The following FAM120C variants were observed in gnomAD, a reference collection of about 807,000 sequenced individuals.
FAM120C encodes the protein family with sequence similarity 120 member C, also known as constitutive coactivator of PPAR-gamma-like protein 2.
Under a neutral mutation model 71.2 loss-of-function variants are expected in FAM120C, and 14 were observed. The ratio of observed to expected loss-of-function variants is 0.20; its 90% CI spans 0.13 to 0.31. The LOEUF is 0.31. FAM120C is among the 10% of genes least tolerant of loss of function. The pLI, the probability that FAM120C is intolerant of heterozygous loss-of-function variation, is 1.00. For synonymous variants in FAM120C, 354 were observed against 353.2 expected, an observed-to-expected ratio of 1.00 and a Z score of -0.03; for missense variants, 500 against 879.0, an observed-to-expected ratio of 0.57 and a Z score of 5.45.
At chrX:54,167,276 A>G (rs1443935020) in intron 1 of FAM120C, among the ~76,000 whole-genome samples, 2 of 112,098 alleles carry the variant, frequency 1.8e-5, no homozygotes, top group East Asian at 5.6e-4. Context: ...CTCAATTTAC[A>G]CATTTATCAT....
intron 11 of FAM120C, among the ~76,000 whole-genome samples, chrX:54,088,584 T>A (rs1603352450): frequency 2.6e-5 from 1 of 38,728 alleles, no homozygotes. Context: ...AGAGCAAGAC[T>A]CCATCTCAAA....
chrX:54,134,902 T>G lies in FAM120C; in HGVS notation c.1545A>C (p.Ser515=). ...QFPNYLPSKA[S]PPLGPDSSHS... is the part of the protein sequence containing the mutation. Reference sequence around the variant, plus strand: ...GGGAAGAGTCTGGTCCCAAAGGAGGTGAGGCTTTAGAAGGCAGGTAATTGG... The same window carrying G: ...GGGAAGAGTCTGGTCCCAAAGGAGGGGAGGCTTTAGAAGGCAGGTAATTGG... Residue 515 remains serine (S), a synonymous_variant, in exon 7 of 16, where the codon TCA becomes TCC. Transcript: ENST00000375180. 8.3e-7 allele frequency: 1 copy of G among 1,210,298 alleles called. No homozygotes were observed. Among genetic ancestry groups the G allele is most frequent in the African/African-American group, 1.7e-5 (1 of 57,398 alleles).
intron 9 of FAM120C, among the ~76,000 whole-genome samples, chrX:54,124,997 C>CA (rs1460935096): frequency 9.0e-6 from 1 of 110,612 alleles, no homozygotes; most frequent in Admixed American, 9.6e-5. Flanking sequence ...ATAAAAGAAA[C>CA]AAAAAACAAC....
At chrX:54,073,313 G>A in intron 15 of FAM120C, 26 bp from the exon 16 acceptor site, 9 of 1,178,602 alleles carry the variant, frequency 7.6e-6, no homozygotes, top group Non-Finnish European at 9.1e-6. Context: ...ATACTCAGTG[G>A]AAATGGGAAT....
chrX:54,137,776 T>A, intron 4 of FAM120C, among the ~76,000 whole-genome samples: 1 of 111,941 alleles, frequency 8.9e-6, no homozygotes. Context: ...CCAAAATGGC[T>A]AAAGTAAAAG....
chrX:54,082,608 C>T (rs782257086), intron 13 of FAM120C, among the ~76,000 whole-genome samples: 1 of 108,730 alleles, frequency 9.2e-6, no homozygotes, highest in Non-Finnish European at 1.9e-5. Context: ...AGGGGTTCAC[C>T]GTATTGGCCA....
At chrX:54,155,306 G>C (rs933731948) in intron 3 of FAM120C, among the ~76,000 whole-genome samples, 6 of 112,325 alleles carry the variant, frequency 5.3e-5, no homozygotes, top group Non-Finnish European at 1.1e-4. Context: ...GAAAAGACAA[G>C]GAAGCAGCAA....
In FAM120C at chrX:54,090,782, C is replaced by T. The variant is rs1470754184; in HGVS notation, c.2427+530G>A. On this transcript the variant is annotated intron_variant, in intron 11 of 15. Transcript: ENST00000375180. ...AATTGTACAAGTAAGGAAACTGAAG[C>T]TAGAGAGATTAAGTAACCTGCCCAA... Among the ~76,000 whole-genome samples, 3 of 111,473 alleles carry T rather than the reference C, an allele frequency of 2.7e-5. No individual in the cohort carries two copies. In the East Asian group the frequency reaches 8.4e-4, roughly 31 times the overall value.
At chrX:54,110,421 C>G (rs1487445594) in intron 10 of FAM120C, among the ~76,000 whole-genome samples, 1 of 110,281 alleles carries the variant, frequency 9.1e-6, no homozygotes, top group East Asian at 2.8e-4. Flanking sequence ...GAGAAGTATA[C>G]TGATGTCTGC....
intron 10 of FAM120C, among the ~76,000 whole-genome samples, chrX:54,091,964 G>T (rs1557122684): frequency 9.0e-6 from 1 of 111,071 alleles, no homozygotes; most frequent in African/African-American, 3.3e-5. Context: ...GGCTTCAGGT[G>T]GTGGAAAGTG....
chrX:54,078,143 C>T (rs1299621166), intron 15 of FAM120C, among the ~76,000 whole-genome samples: 3 of 105,042 alleles, frequency 2.9e-5, no homozygotes, highest in Non-Finnish European at 5.9e-5. Flanking sequence ...CGGGGTTTCA[C>T]CTTGTTAGCC....
At chrX:54,156,515 G>A (rs947372722) in intron 3 of FAM120C, among the ~76,000 whole-genome samples, 5 of 107,264 alleles carry the variant, frequency 4.7e-5, no homozygotes, top group African/African-American at 1.7e-4. Flanking sequence ...ATGAGCCACC[G>A]TGCCCTGGCT....
rs201960191 is a variant in FAM120C at position 54,114,039 on chromosome X, T to TACAC, written c.2312+2502_2312+2505dup. 2.3e-3 allele frequency among the ~76,000 whole-genome samples: 225 copies of TACAC among 98,779 alleles called. 2 individuals are homozygous for TACAC. The highest frequency in any genetic ancestry group is 5.1e-3 in the Middle Eastern group (1 of 195). 85.8% of individuals were successfully genotyped at this position (98,779 alleles called of 115,157 possible). A position where few individuals can be genotyped will look rare whatever the true frequency, so the allele number is the denominator to read the frequency against. On this transcript the variant is annotated intron_variant, in intron 10 of 15. Transcript: ENST00000375180. ...GAATGAATGATTAAAGAAAGTGTGA[T>TACAC]ACACACACACACACACACACACACA...
In FAM120C at chrX:54,182,966, C is replaced by T. The variant is rs782386243; in HGVS notation, c.233G>A (p.Gly78Asp). The change falls in exon 1 of 16, where the codon GGC becomes GAC. Residue 78 changes from glycine (G) to aspartate (D), a missense_variant. Physicochemically the swap from Gly to Asp is moderately conservative, Grantham distance 94 (BLOSUM62 -1). Coordinates refer to ENST00000375180, the MANE Select transcript of FAM120C (RefSeq NM_017848.6). ...GTGATGGTGCCGAGTCGGCCCCGCGCCCCCGGAGTAGGCACCCAAGGCAGC... is the reference window on the plus strand; with the variant it reads ...GTGATGGTGCCGAGTCGGCCCCGCGTCCCCGGAGTAGGCACCCAAGGCAGC... ...PPAALGAYSG[G>D]AGPTRHHHPA... The T allele has an allele frequency of 5.2e-6, 6 of 1,161,238 alleles. No homozygotes were observed. In the South Asian group the frequency reaches 9.6e-5, roughly 19 times the overall value.
At chrX:54,163,936 A>T (rs965431372) in intron 1 of FAM120C, among the ~76,000 whole-genome samples, 11 of 105,976 alleles carry the variant, frequency 1.0e-4, no homozygotes, top group African/African-American at 2.4e-4. Flanking sequence ...ATATATATAT[A>T]TATTTTTTTT....
chrX:54,125,581 C>T (rs1444521331), intron 9 of FAM120C, among the ~76,000 whole-genome samples: 1 of 113,235 alleles, frequency 8.8e-6, no homozygotes, highest in Non-Finnish European at 1.9e-5. Flanking sequence ...GCTGGGATTA[C>T]AAGCGTGAGC....
At chrX:54,129,168 C>T (rs1395779133) in intron 9 of FAM120C, among the ~76,000 whole-genome samples, 1 of 106,372 alleles carries the variant, frequency 9.4e-6, no homozygotes, top group Non-Finnish European at 2.0e-5. Context: ...GGGCTGACCC[C>T]CACCTCCCTC....
chrX:54,131,472 CTT>C, intron 9 of FAM120C, among the ~76,000 whole-genome samples: 1 of 104,201 alleles, frequency 9.6e-6, no homozygotes, highest in Non-Finnish European at 2.0e-5. Context: ...GAGTTTCGCT[CTT>C]GTTGCCGAGG....
At chrX:54,134,788 G>C (rs781948457) in intron 7 of FAM120C, 43 bp downstream of exon 7, 4 of 1,143,840 alleles carry the variant, frequency 3.5e-6, no homozygotes, top group Non-Finnish European at 4.7e-6. Context: ...TAATACAGAT[G>C]CCTCAGAAAT....
Sources: gnomAD v4.1 joint callset for allele counts (sites outside exome capture counted in the v4.1 genomes callset) on GRCh38, gnomAD v4.1.1 for gene constraint, MANE v1.5 for transcripts, NCBI Gene and HGNC (gene_info 2026-07-23, HGNC 2026-07-21) for gene names.